Variants in SH3TC2 observed in about 807,000 individuals in gnomAD.
The protein encoded by SH3TC2 is SH3 domain and tetratricopeptide repeat-containing protein 2.
Under a neutral mutation model 124.5 loss-of-function variants are expected in SH3TC2, and 87 were observed. The observed-to-expected ratio is 0.70, with a 90% CI of 0.59 to 0.84. The LOEUF (loss-of-function observed/expected upper bound fraction) is 0.84. Among genes scored for constraint, SH3TC2 ranks in the 40% least tolerant of loss-of-function variants. SH3TC2 has a pLI of 0.00. For missense variants in SH3TC2, 1,536 were observed against 1,566.4 expected (o/e 0.98, Z 0.33); for synonymous variants, 634 against 628.5 (o/e 1.01, Z -0.13).
chr5:148,989,381 T>G lies in SH3TC2; in HGVS notation c.*15330A>C. ...TGATTTGTTAATGCTACACAGATAC[T>G]AAGCACTTTGAGACAAGATTTGAAC... On this transcript the variant is annotated 3_prime_UTR_variant, in exon 17 of 17. Coordinates refer to ENST00000515425, the MANE Select transcript of SH3TC2 (RefSeq NM_024577.4). Among the ~76,000 whole-genome samples the G allele has an allele frequency of 6.6e-6, 1 of 152,254 alleles. No individual in the cohort carries two copies. Among genetic ancestry groups the G allele is most frequent in the East Asian group, 1.9e-4 (1 of 5,204 alleles).
chr5:149,051,165 A>G (rs1267214555), intron 2 of SH3TC2, among the ~76,000 whole-genome samples: 1 of 152,200 alleles, frequency 6.6e-6, no homozygotes, highest in Non-Finnish European at 1.5e-5. Flanking sequence ...TTCCTCTGAT[A>G]ACAATTTTCT....
intron 5 of SH3TC2, among the ~76,000 whole-genome samples, chr5:149,042,083 A>AT (rs1335845641): frequency 3.3e-5 from 5 of 152,214 alleles, no homozygotes; most frequent in African/African-American, 1.2e-4. Context: ...CAATGCAATC[A>AT]TAAGAGTCCT....
chr5:149,014,178 A>G (rs1431379699), intron 12 of SH3TC2, among the ~76,000 whole-genome samples: 2 of 152,214 alleles, frequency 1.3e-5, no homozygotes, highest in African/African-American at 4.8e-5. Flanking sequence ...GCCCACCTGC[A>G]TCAGCATTTC....
chr5:149,017,729 C>A (rs1753899641), intron 12 of SH3TC2, among the ~76,000 whole-genome samples: 1 of 152,194 alleles, frequency 6.6e-6, no homozygotes, highest in Admixed American at 6.5e-5. Context: ...CCCCTCCATA[C>A]AATTCTACAA....
intron 8 of SH3TC2, chr5:149,034,427 C>G: frequency 2.9e-6 from 1 of 350,090 alleles, no homozygotes; most frequent in Non-Finnish European, 5.7e-6. Flanking sequence ...CTAAAAAGAA[C>G]GAGAGAGAGG....
chr5:149,061,317 C>T (rs1025197564), intron 1 of SH3TC2, among the ~76,000 whole-genome samples: 11 of 152,276 alleles, frequency 7.2e-5, no homozygotes, highest in Admixed American at 3.3e-4. Flanking sequence ...GAAGCAGAGC[C>T]GCTCTAGGTA....
intron 15 of SH3TC2, 32 bp downstream of exon 15, chr5:149,008,819 A>G (rs563073018): frequency 3.0e-5 from 49 of 1,613,314 alleles, no homozygotes; most frequent in Middle Eastern, 1.9e-4. Flanking sequence ...CACCCCTCTC[A>G]TTCAACACAC....
At position 149,027,583 on chromosome 5, in the gene SH3TC2, T is replaced by C. The variant is rs759334378; in HGVS notation, c.2149A>G (p.Asn717Asp). 2.1e-5 allele frequency: 34 copies of C among 1,614,108 alleles called. No homozygotes were observed. In the South Asian group the frequency reaches 3.6e-4, roughly 17 times the overall value. ...GGAAAGCCAAGGAGCTTGGTTGTGT[T>C]CTGGAGGACAAGGTGGACCTGCCAA... ...PIWQVHLVLQ[N>D]TTKLLGFPSP... is the part of the protein sequence containing the mutation. The change falls in exon 11 of 17, where the codon AAC (asparagine) becomes GAC (aspartate). Residue 717 changes from asparagine to aspartate, a missense_variant. Asn to Asp is a conservative substitution (Grantham distance 23). Transcript: ENST00000515425.
intron 1 of SH3TC2, chr5:149,062,341 T>C (rs766864122): frequency 1.1e-5 from 6 of 532,730 alleles, no homozygotes; most frequent in South Asian, 2.8e-5. Context: ...ACCAGCCTGG[T>C]TGGCCTGGAA....
At chr5:149,028,833 C>A (rs1754131720) in intron 9 of SH3TC2, 115 bp from the exon 10 acceptor site, 1 of 1,020,894 alleles carries the variant, frequency 9.8e-7, no homozygotes, top group Middle Eastern at 2.1e-4. Context: ...TCAAGACCTT[C>A]AGTCATCATT....
rs1406022807 is a variant in SH3TC2 at position 149,026,687 on chromosome 5, A to T, written c.2938T>A (p.Cys980Ser). Reference sequence around the variant, plus strand: ...AGCCAGTGCTCATGGTAGGTGATGCATGCCTCAGGGTTTGGGGACACAGAG... The same window carrying T: ...AGCCAGTGCTCATGGTAGGTGATGCTTGCCTCAGGGTTTGGGGACACAGAG... ...YSSVSPNPEA[C>S]ITYHEHWLAL... Residue 980 changes from cysteine (C) to serine (S), a missense_variant, in exon 12 of 17, where the codon TGC becomes AGC. Physicochemically the swap from Cys to Ser is moderately radical, Grantham distance 112. Around this residue, in one of 3 missense-constraint regions of SH3TC2, gnomAD observed 426 missense variants for 443.5 expected, o/e 0.96. Transcript: ENST00000515425. 1 of 1,614,182 alleles carries T rather than the reference A, an allele frequency of 6.2e-7. No individual in the cohort carries two copies. The highest frequency in any genetic ancestry group is 1.7e-5 in the Admixed American group (1 of 60,028).
At position 149,044,521 on chromosome 5, in the gene SH3TC2, C is replaced by T. The variant is rs1189792921; in HGVS notation, c.385+12G>A. On this transcript the variant is annotated intron_variant, in intron 4 of 16. Coordinates refer to ENST00000515425, the MANE Select transcript of SH3TC2 (RefSeq NM_024577.4). ...AGGAGGTCATCCTCCACCTGCTTGC[C>T]TTGTACCATACCTAAATTAAGGTAG... 6.2e-7 allele frequency: 1 copy of T among 1,609,440 alleles called. No individual in the cohort carries two copies. Among genetic ancestry groups the T allele is most frequent in the Non-Finnish European group, 8.5e-7 (1 of 1,175,918 alleles).
chr5:149,026,470 G>C, intron 12 of SH3TC2, 102 bp downstream of exon 12: 1 of 1,428,396 alleles, frequency 7.0e-7, no homozygotes. Context: ...ACAAAGCCCC[G>C]CCTATACCAT....
chr5:149,027,229 T>G lies in SH3TC2; in HGVS notation c.2503A>C (p.Arg835=), dbSNP rs1257088143. 6.2e-7 allele frequency: 1 copy of G among 1,614,218 alleles called. No individual in the cohort carries two copies. The highest frequency in any genetic ancestry group is 2.2e-5 in the East Asian group (1 of 44,882). The change falls in exon 11 of 17, where the codon AGG becomes CGG. Residue 835 remains arginine (R), a synonymous_variant. Coordinates refer to ENST00000515425, the MANE Select transcript of SH3TC2 (RefSeq NM_024577.4). ...SLKETESLTQ[R]GVIYNLLGLA... ...CCCAGGAGGTTATAGATGACTCCCCTTTGAGTGAGACTCTCTGTCTCCTTC... is the reference window on the plus strand; with the variant it reads ...CCCAGGAGGTTATAGATGACTCCCCGTTGAGTGAGACTCTCTGTCTCCTTC...
In SH3TC2 at chr5:148,988,282, T is replaced by C. The variant is rs1445239067; in HGVS notation, c.*16429A>G. Among the ~76,000 whole-genome samples, 1 of 152,200 alleles carries C rather than the reference T, an allele frequency of 6.6e-6. No homozygotes were observed. Among genetic ancestry groups the C allele is most frequent in the Non-Finnish European group, 1.5e-5 (1 of 68,032 alleles). On this transcript the variant is annotated 3_prime_UTR_variant, in exon 17 of 17. Coordinates refer to ENST00000515425, the MANE Select transcript of SH3TC2 (RefSeq NM_024577.4). The stretch of plus-strand genomic sequence containing the variant: ...AATCCTACCCCAGATGGGAATGTTA[T>C]CTGGTCTTGTAAAGCTGCCTTACTA...
intron 16 of SH3TC2, chr5:149,006,319 A>G (rs1455972936): frequency 1.8e-5 from 2 of 113,554 alleles, no homozygotes; most frequent in African/African-American, 6.0e-5. Flanking sequence ...AGAAGCAGGG[A>G]TAAAACCTTC....
intron 12 of SH3TC2, among the ~76,000 whole-genome samples, chr5:149,018,774 C>T (rs1753919634): frequency 6.6e-6 from 1 of 152,190 alleles, no homozygotes; most frequent in Non-Finnish European, 1.5e-5. Context: ...TCAAATGTGT[C>T]CTGACCTCTC....
Position 149,026,989 on chromosome 5 carries a change from T to A in SH3TC2, c.2743A>T (p.Thr915Ser), listed in dbSNP as rs141783628. Residue 915 changes from threonine to serine, a missense_variant, in exon 11 of 17, where the codon ACA (threonine) becomes TCA (serine). By Grantham distance (58) the Thr-to-Ser change is moderately conservative. This residue lies in a region of SH3TC2 where 8 missense variants were observed against 24.3 expected (regional missense o/e 0.33). Coordinates refer to ENST00000515425, the MANE Select transcript of SH3TC2 (RefSeq NM_024577.4). ...LYCELQASKETDMELVQVFLW... is the reference protein window; with the variant it reads ...LYCELQASKESDMELVQVFLW... ...AACACCTGTACTAATTCCATGTCTG[T>A]CTCCTTACTGGCCTGAAGTTCACAA... The A allele has an allele frequency of 6.8e-5, 110 of 1,614,132 alleles. No homozygotes were observed. The African/African-American group carries it at 1.1e-3, about 16-fold the overall frequency.
In SH3TC2 at chr5:148,985,449, A is replaced by G. The variant is rs1013834652; in HGVS notation, c.*19262T>C. Among the ~76,000 whole-genome samples the G allele has an allele frequency of 6.6e-6, 1 of 152,148 alleles. No homozygotes were observed. The highest frequency in any genetic ancestry group is 1.5e-5 in the Non-Finnish European group (1 of 68,018). ...CTGTAGTTTTTAAAATGCCATATGGATTATATACAGTATGTAGCATTTTAA... is the reference window on the plus strand; with the variant it reads ...CTGTAGTTTTTAAAATGCCATATGGGTTATATACAGTATGTAGCATTTTAA... On this transcript the variant is annotated 3_prime_UTR_variant, in exon 17 of 17. Coordinates refer to ENST00000515425, the MANE Select transcript of SH3TC2 (RefSeq NM_024577.4).
Sources: allele counts gnomAD v4.1 joint callset (sites outside exome capture counted in the v4.1 genomes callset), GRCh38; gene constraint gnomAD v4.1.1; regional missense constraint gnomAD v4.1.1; transcripts MANE v1.5; gene names NCBI Gene and HGNC (gene_info 2026-07-23, HGNC 2026-07-21).